CAMTA1: variants seen among roughly 807,000 people sequenced by gnomAD.
CAMTA1 encodes the protein calmodulin binding transcription activator 1.
Under a neutral mutation model 170.9 loss-of-function variants are expected in CAMTA1, and 27 were observed. That is an observed-to-expected ratio of 0.16 (90% CI 0.12 to 0.22). CAMTA1 has a LOEUF of 0.22. Among genes scored for constraint, CAMTA1 ranks in the 10% least tolerant of loss-of-function variants. CAMTA1 has a pLI of 1.00. For synonymous variants in CAMTA1, 833 were observed against 891.5 expected (o/e 0.93, Z 1.17); for missense variants, 1,619 against 2,217.2 (o/e 0.73, Z 5.42).
At chr1:7,348,827 C>T (rs1238400535) in intron 5 of CAMTA1, among the ~76,000 whole-genome samples, 2 of 152,296 alleles carry the variant, frequency 1.3e-5, no homozygotes, top group South Asian at 2.1e-4. Flanking sequence ...CACTGTATTA[C>T]GACCCTCATT....
At chr1:7,059,781 A>G (rs1345797507) in intron 3 of CAMTA1, among the ~76,000 whole-genome samples, 2 of 152,220 alleles carry the variant, frequency 1.3e-5, no homozygotes, top group Admixed American at 6.5e-5. Flanking sequence ...TGAAAATAGA[A>G]TAGAAATGGT....
chr1:7,214,851 C>G (rs1659460794), intron 4 of CAMTA1, among the ~76,000 whole-genome samples: 1 of 88,096 alleles, frequency 1.1e-5, no homozygotes, highest in South Asian at 3.6e-4. Flanking sequence ...GAGACTTTTT[C>G]TTTCTTTCTT....
chr1:6,907,184 A>G (rs141636105), intron 3 of CAMTA1, among the ~76,000 whole-genome samples: 82 of 152,222 alleles, frequency 5.4e-4, no homozygotes, highest in African/African-American at 1.9e-3. Context: ...GAGTTGGTAA[A>G]ACAGTAAGAG....
rs572593208 is a variant in CAMTA1 at position 7,659,990 on chromosome 1, C to CACCTATAAT, written c.665-1734_665-1726dup. On this transcript the variant is annotated intron_variant, in intron 7 of 22. Coordinates refer to ENST00000303635, the MANE Select transcript of CAMTA1 (RefSeq NM_015215.4). Reference sequence around the variant, plus strand: ...AAAACCTAGACTCAGACCAGGTACACACCTATAATATCAGCACTTTGGGAG... The same window carrying CACCTATAAT: ...AAAACCTAGACTCAGACCAGGTACACACCTATAATACCTATAATATCAGCACTTTGGGAG... Among the ~76,000 whole-genome samples the CACCTATAAT allele has an allele frequency of 7.4e-4, 113 of 152,318 alleles. No individual in the cohort carries two copies. In the South Asian group the frequency reaches 0.021, roughly 28 times the overall value.
intron 3 of CAMTA1, among the ~76,000 whole-genome samples, chr1:6,853,736 T>C (rs1661250281): frequency 6.6e-6 from 1 of 152,212 alleles, no homozygotes; most frequent in African/African-American, 2.4e-5. Context: ...AAAGCCATAT[T>C]ACTCAAACAT....
At chr1:7,446,694 G>T (rs551199488) in intron 5 of CAMTA1, among the ~76,000 whole-genome samples, 1 of 152,222 alleles carries the variant, frequency 6.6e-6, no homozygotes. Flanking sequence ...GGGGCTGCCC[G>T]CTGGCTTAGG....
intron 3 of CAMTA1, among the ~76,000 whole-genome samples, chr1:6,962,260 C>T (rs999594255): frequency 6.6e-6 from 1 of 152,188 alleles, no homozygotes; most frequent in African/African-American, 2.4e-5. Context: ...GGACACCCAC[C>T]TCATTTTACT....
intron 11 of CAMTA1, among the ~76,000 whole-genome samples, chr1:7,730,998 T>C (rs2096728814): frequency 6.6e-6 from 1 of 151,996 alleles, no homozygotes; most frequent in Non-Finnish European, 1.5e-5. Flanking sequence ...TATACATATA[T>C]GAAGCGAGCG....
At chr1:6,807,399 T>A (rs1290275214) in intron 1 of CAMTA1, among the ~76,000 whole-genome samples, 1 of 152,208 alleles carries the variant, frequency 6.6e-6, no homozygotes, top group African/African-American at 2.4e-5. Context: ...CATTTTTATT[T>A]ACAGATACTT....
At chr1:7,375,992 G>T (rs1298019219) in intron 5 of CAMTA1, among the ~76,000 whole-genome samples, 1 of 152,178 alleles carries the variant, frequency 6.6e-6, no homozygotes, top group African/African-American at 2.4e-5. Flanking sequence ...CTACCAAGGG[G>T]TCTCCCAGCT....
At chr1:7,475,135 T>TA (rs1483073600) in intron 6 of CAMTA1, among the ~76,000 whole-genome samples, 1 of 152,248 alleles carries the variant, frequency 6.6e-6, no homozygotes, top group Non-Finnish European at 1.5e-5. Context: ...TCTTCTTTTT[T>TA]AAAAATCTTT....
intron 6 of CAMTA1, among the ~76,000 whole-genome samples, chr1:7,488,269 G>C (rs1057319700): frequency 6.6e-6 from 1 of 152,152 alleles, no homozygotes; most frequent in Non-Finnish European, 1.5e-5. Flanking sequence ...GCAGCTGTGA[G>C]GCTGGGCCAA....
At chr1:7,472,512 G>A (rs2093350619) in intron 6 of CAMTA1, among the ~76,000 whole-genome samples, 1 of 152,024 alleles carries the variant, frequency 6.6e-6, no homozygotes, top group South Asian at 2.1e-4. Flanking sequence ...CAGTCAATAG[G>A]GGGCAACCAT....
chr1:7,731,584 A>AG lies in CAMTA1; in HGVS notation c.2915-864_2915-863insG, dbSNP rs1032799621. ...GACACTCTGTCTCAAAAAAAAAAAA[A>AG]AAAGAAAAGAAAGAAATGTGGCTGA... On this transcript the variant is annotated intron_variant, in intron 11 of 22. Transcript: ENST00000303635. Among the ~76,000 whole-genome samples the AG allele has an allele frequency of 7.3e-5, 11 of 151,674 alleles. No individual in the cohort carries two copies. In the East Asian group the frequency reaches 1.9e-3, roughly 27 times the overall value.
intron 5 of CAMTA1, among the ~76,000 whole-genome samples, chr1:7,452,207 G>C (rs968547318): frequency 7.2e-5 from 11 of 152,152 alleles, no homozygotes; most frequent in African/African-American, 2.2e-4. Context: ...AGACTCACGG[G>C]GGGTCTGTGT....
chr1:7,146,741 T>G lies in CAMTA1; in HGVS notation c.302+55370T>G, dbSNP rs1443919027. 1.3e-5 allele frequency among the ~76,000 whole-genome samples: 2 copies of G among 151,572 alleles called. No homozygotes were observed. The highest frequency in any genetic ancestry group is 2.9e-5 in the Non-Finnish European group (2 of 67,906). On this transcript the variant is annotated intron_variant, in intron 4 of 22. Transcript: ENST00000303635. The surrounding 1 kb of genome is among the most constrained non-coding windows in gnomAD (Gnocchi z 4.3). ...GTATTGCACACACACAAACACACAC[T>G]CAAACATAAACCATGCACACACACA...
At chr1:7,354,339 T>C (rs903362405) in intron 5 of CAMTA1, among the ~76,000 whole-genome samples, 19 of 150,960 alleles carry the variant, frequency 1.3e-4, no homozygotes, top group Admixed American at 2.0e-4. Context: ...TTAGTAGAGA[T>C]GGGGTTTCAC....
intron 3 of CAMTA1, among the ~76,000 whole-genome samples, chr1:7,083,748 T>C (rs969542775): frequency 1.3e-5 from 2 of 152,184 alleles, no homozygotes; most frequent in African/African-American, 4.8e-5. Flanking sequence ...CGTAAACATA[T>C]TGGTTAGAAG....
rs929403385 is a variant in CAMTA1 at position 7,300,149 on chromosome 1, G to A, written c.438+50523G>A. Among the ~76,000 whole-genome samples, 10 of 152,186 alleles carry A rather than the reference G, an allele frequency of 6.6e-5. No homozygotes were observed. Among genetic ancestry groups the A allele is most frequent in the African/African-American group, 2.4e-4 (10 of 41,452 alleles). On this transcript the variant is annotated intron_variant, in intron 5 of 22. Coordinates refer to ENST00000303635, the MANE Select transcript of CAMTA1 (RefSeq NM_015215.4). The surrounding 1 kb of genome is among the most constrained non-coding windows in gnomAD (Gnocchi z 4.1). ...AAATTCCCTTCGCAATAAAGCACCA[G>A]ATTGAATGTCCGATGAGTCACAAAT...
Sources: gnomAD v4.1 joint callset for allele counts (sites outside exome capture counted in the v4.1 genomes callset) on GRCh38, gnomAD v4.1.1 for gene constraint, Gnocchi (gnomAD v3.1) non-coding constraint, MANE v1.5 for transcripts, NCBI Gene and HGNC (gene_info 2026-07-23, HGNC 2026-07-21) for gene names.